The following QTMAN variants were observed in gnomAD, a reference collection of about 807,000 sequenced individuals.
The protein encoded by QTMAN is queuosine-tRNA mannosyltransferase.
the QTMAN span, among the ~76,000 whole-genome samples, chr2:144,307,599 G>A: frequency 3.7e-3 from 561 of 152,314 alleles, 14 homozygotes; most frequent in Admixed American, 0.03. Context: ...AGAGCATCCT[G>A]AGGAATTCAC....
At chr2:144,280,141 AT>A in the QTMAN span, among the ~76,000 whole-genome samples, 2 of 152,212 alleles carry the variant, frequency 1.3e-5, no homozygotes, top group South Asian at 4.1e-4. Context: ...CATAAAAAGT[AT>A]TCAGTGTATT....
At chr2:144,275,969 CACACACACAT>C in the QTMAN span, among the ~76,000 whole-genome samples, 1 of 152,138 alleles carries the variant, frequency 6.6e-6, no homozygotes, top group Admixed American at 6.5e-5. Flanking sequence ...ACATATTCCT[CACACACACAT>C]ACACAGACAC....
At chr2:144,238,087 C>T in the QTMAN span, among the ~76,000 whole-genome samples, 48 of 152,350 alleles carry the variant, frequency 3.2e-4, 1 homozygote, top group East Asian at 9.1e-3. Flanking sequence ...GGCTGCACTC[C>T]AATCCCTTTC....
chr2:144,012,601 C>T, the QTMAN span, among the ~76,000 whole-genome samples: 2 of 152,020 alleles, frequency 1.3e-5, no homozygotes, highest in Admixed American at 1.3e-4. Context: ...GAAACACATG[C>T]CATGGTGGAA....
chr2:144,054,839 TTTTTTCTGAA>T, the QTMAN span, among the ~76,000 whole-genome samples: 19 of 152,184 alleles, frequency 1.2e-4, no homozygotes, highest in Non-Finnish European at 2.5e-4. Flanking sequence ...CTTGCTTGGC[TTTTTTCTGAA>T]GCAAAATTCT....
the QTMAN span, among the ~76,000 whole-genome samples, chr2:143,988,796 C>T: frequency 6.6e-6 from 1 of 152,184 alleles, no homozygotes; most frequent in Non-Finnish European, 1.5e-5. Context: ...CTCCTTACCC[C>T]TTGTAAATAT....
At chr2:143,957,107 T>C in the QTMAN span, 32 of 1,059,838 alleles carry the variant, frequency 3.0e-5, no homozygotes, top group Non-Finnish European at 4.1e-5. Context: ...CACTGAATTT[T>C]AATGTATTAT....
the QTMAN span, among the ~76,000 whole-genome samples, chr2:144,123,066 ATAAT>A: frequency 1.0e-4 from 15 of 150,676 alleles, no homozygotes; most frequent in African/African-American, 3.5e-4. Flanking sequence ...TACACACCAT[ATAAT>A]TAGATTACTT....
At chr2:144,207,512 T>G in the QTMAN span, among the ~76,000 whole-genome samples, 1 of 152,148 alleles carries the variant, frequency 6.6e-6, no homozygotes, top group African/African-American at 2.4e-5. Flanking sequence ...CTGCTCTAAC[T>G]CCATTCATTA....
At chr2:144,116,096 T>G in the QTMAN span, among the ~76,000 whole-genome samples, 1 of 152,102 alleles carries the variant, frequency 6.6e-6, no homozygotes, top group Non-Finnish European at 1.5e-5. Flanking sequence ...AATATATCCA[T>G]GCAAAACACA....
the QTMAN span, among the ~76,000 whole-genome samples, chr2:144,057,433 G>A: frequency 9.9e-5 from 15 of 152,252 alleles, no homozygotes; most frequent in East Asian, 2.7e-3. Flanking sequence ...TGCAATTCTT[G>A]CCTTCATGAA....
At chr2:144,120,987 C>T in the QTMAN span, among the ~76,000 whole-genome samples, 3 of 152,096 alleles carry the variant, frequency 2.0e-5, no homozygotes, top group Admixed American at 1.3e-4. Context: ...TAAATATAAC[C>T]ATTGAAGACC....
At chr2:144,053,607 A>G in the QTMAN span, among the ~76,000 whole-genome samples, 1 of 152,200 alleles carries the variant, frequency 6.6e-6, no homozygotes, top group Non-Finnish European at 1.5e-5. Flanking sequence ...ACATCCTGAT[A>G]TTGTTTCCAT....
the QTMAN span, among the ~76,000 whole-genome samples, chr2:144,192,299 G>GT: frequency 6.6e-6 from 1 of 151,984 alleles, no homozygotes; most frequent in Non-Finnish European, 1.5e-5. Context: ...TAGAGACAGG[G>GT]TTTTGTCATG....
the QTMAN span, among the ~76,000 whole-genome samples, chr2:144,256,885 AT>A: frequency 2.6e-5 from 4 of 152,144 alleles, no homozygotes; most frequent in East Asian, 1.9e-4. Flanking sequence ...AAAAAAAAAA[AT>A]CTCTTTAAAA....
At chr2:144,000,814 T>A in the QTMAN span, among the ~76,000 whole-genome samples, 1 of 151,992 alleles carries the variant, frequency 6.6e-6, no homozygotes, top group African/African-American at 2.4e-5. Flanking sequence ...TCTGTGACGA[T>A]CATTCTTCTC....
chr2:144,290,757 C>T, the QTMAN span, among the ~76,000 whole-genome samples: 7 of 152,180 alleles, frequency 4.6e-5, no homozygotes, highest in Non-Finnish European at 1.0e-4. Context: ...TCCCTCACCT[C>T]CTTCAATTCT....
the QTMAN span, among the ~76,000 whole-genome samples, chr2:144,198,305 C>T: frequency 1.3e-5 from 2 of 152,016 alleles, no homozygotes; most frequent in Non-Finnish European, 2.9e-5. Context: ...GGGGTTGACT[C>T]CACTTCCTGA....
At chr2:144,066,122 T>C in the QTMAN span, among the ~76,000 whole-genome samples, 4 of 152,180 alleles carry the variant, frequency 2.6e-5, no homozygotes, top group African/African-American at 4.8e-5. Flanking sequence ...GTTCTTTTTT[T>C]CCCTTTTTCT....
Sources: gnomAD v4.1 joint callset for allele counts (sites outside exome capture counted in the v4.1 genomes callset) on GRCh38, gnomAD v4.1.1 for gene constraint, MANE v1.5 for transcripts, NCBI Gene and HGNC (gene_info 2026-07-23, HGNC 2026-07-21) for gene names.